Variants in DPP6 observed in about 807,000 individuals in gnomAD.
DPP6 encodes the protein dipeptidyl peptidase like 6, also known as A-type potassium channel modulatory protein DPP6.
DPP6 carries 69 observed loss-of-function variants against 122.6 expected under a neutral mutation model. That is an observed-to-expected ratio of 0.56 (90% CI 0.46 to 0.69). DPP6 has a LOEUF of 0.69. Among genes scored for constraint, DPP6 ranks in the 30% least tolerant of loss-of-function variants. The pLI, the probability that DPP6 is intolerant of heterozygous loss-of-function variation, is 0.00. For missense variants in DPP6, 928 were observed against 1,116.9 expected (o/e 0.83, Z 2.41); for synonymous variants, 418 against 433.1 (o/e 0.97, Z 0.43).
At chr7:154,080,679 A>G (rs1803928751) in intron 1 of DPP6, among the ~76,000 whole-genome samples, 1 of 152,124 alleles carries the variant, frequency 6.6e-6, no homozygotes, top group Admixed American at 6.5e-5. Flanking sequence ...CTTTCATGGA[A>G]CACAAGGTAA....
rs1015898390 is a variant in DPP6 at position 154,893,770 on chromosome 7, T to C, written c.*1290T>C. The C allele has an allele frequency of 1.3e-5, 2 of 152,244 alleles. No individual in the cohort carries two copies. The highest frequency in any genetic ancestry group is 6.5e-5 in the Admixed American group (1 of 15,276). 9.4% of individuals were successfully genotyped at this position (152,244 alleles called of 1,614,324 possible). On this transcript the variant is annotated 3_prime_UTR_variant, in exon 26 of 26. Transcript: ENST00000377770. ...AGTCAACCCAGCCTCCTCCCGCCAGTGCTAACCCCGTGTTGAGCCTGCATG... is the reference window on the plus strand; with the variant it reads ...AGTCAACCCAGCCTCCTCCCGCCAGCGCTAACCCCGTGTTGAGCCTGCATG...
At chr7:153,759,971 A>ATC in the DPP6 span, among the ~76,000 whole-genome samples, 4,298 of 136,904 alleles carry the variant, frequency 0.031, 103 homozygotes, top group African/African-American at 0.095. Flanking sequence ...CTGTTTCTGT[A>ATC]TCTCTCTCTC....
At chr7:154,168,814 T>C (rs76169569) in intron 1 of DPP6, among the ~76,000 whole-genome samples, 6 of 152,242 alleles carry the variant, frequency 3.9e-5, no homozygotes, top group Admixed American at 1.3e-4. Context: ...CTAGGATGCA[T>C]GCTAAGAACT....
the DPP6 span, among the ~76,000 whole-genome samples, chr7:153,842,101 C>T: frequency 6.6e-6 from 1 of 152,122 alleles, no homozygotes; most frequent in Non-Finnish European, 1.5e-5. Context: ...ATAAACATGT[C>T]GTTCCTATAA....
At chr7:154,752,124 G>C (rs1843426357) in intron 8 of DPP6, among the ~76,000 whole-genome samples, 1 of 152,200 alleles carries the variant, frequency 6.6e-6, no homozygotes, top group Non-Finnish European at 1.5e-5. Flanking sequence ...TCTATGTAAA[G>C]ACTGAACTAA....
intron 1 of DPP6, among the ~76,000 whole-genome samples, chr7:154,404,095 A>T (rs538688469): frequency 6.6e-6 from 1 of 152,316 alleles, no homozygotes; most frequent in African/African-American, 2.4e-5. Flanking sequence ...TATTGCAGAG[A>T]GGAAGCTGAG....
At chr7:153,787,837 C>CCT in the DPP6 span, among the ~76,000 whole-genome samples, 1 of 139,382 alleles carries the variant, frequency 7.2e-6, no homozygotes, top group Non-Finnish European at 1.5e-5. Context: ...TTTACAATTT[C>CCT]TTTTTTTTTT....
chr7:154,712,315 C>G (rs897715188), intron 7 of DPP6, among the ~76,000 whole-genome samples: 2 of 152,130 alleles, frequency 1.3e-5, no homozygotes, highest in African/African-American at 4.8e-5. Flanking sequence ...ATATTGTATA[C>G]CTCATTCTAT....
At chr7:154,607,561 C>CAAAAAA (rs1162220684) in intron 5 of DPP6, among the ~76,000 whole-genome samples, 3 of 22,378 alleles carry the variant, frequency 1.3e-4, no homozygotes, top group African/African-American at 2.9e-4. Context: ...GACTCTGTCT[C>CAAAAAA]AAAAAAAAAA....
chr7:154,777,587 T>C (rs1288999450), intron 10 of DPP6, among the ~76,000 whole-genome samples: 1 of 152,198 alleles, frequency 6.6e-6, no homozygotes, highest in Non-Finnish European at 1.5e-5. Context: ...TTCTGCTGGT[T>C]TCCTCCGGCC....
intron 1 of DPP6, among the ~76,000 whole-genome samples, chr7:154,028,197 C>T (rs1173005277): frequency 6.6e-6 from 1 of 152,056 alleles, no homozygotes; most frequent in Non-Finnish European, 1.5e-5. Flanking sequence ...TGTTGTTAAA[C>T]TCATCCTCTC....
chr7:154,470,349 C>T (rs1822154190), intron 2 of DPP6, among the ~76,000 whole-genome samples: 1 of 152,130 alleles, frequency 6.6e-6, no homozygotes, highest in African/African-American at 2.4e-5. Flanking sequence ...CTATAAAGCA[C>T]TTTAGAGTTG....
At chr7:154,789,813 C>T (rs1222018139) in intron 10 of DPP6, among the ~76,000 whole-genome samples, 1 of 152,220 alleles carries the variant, frequency 6.6e-6, no homozygotes, top group Non-Finnish European at 1.5e-5. Flanking sequence ...CCTACCTTGT[C>T]CCCAGAAAGC....
At chr7:154,728,509 A>G (rs1245953876) in intron 8 of DPP6, among the ~76,000 whole-genome samples, 1 of 152,140 alleles carries the variant, frequency 6.6e-6, no homozygotes, top group Non-Finnish European at 1.5e-5. Flanking sequence ...CATGCTCATG[A>G]CCCTTCATCG....
Position 154,456,700 on chromosome 7 carries a change from C to T in DPP6, c.358+10372C>T, listed in dbSNP as rs905531816. On this transcript the variant is annotated intron_variant, in intron 2 of 25. Coordinates refer to ENST00000377770, the MANE Select transcript of DPP6 (RefSeq NM_130797.4). ...GATTACCCTTAGTTATCCAATGGAACCTCAATGTGATCACATGTGTTCTTA... is the reference window on the plus strand; with the variant it reads ...GATTACCCTTAGTTATCCAATGGAATCTCAATGTGATCACATGTGTTCTTA... Among the ~76,000 whole-genome samples, 51 of 152,250 alleles carry T rather than the reference C, an allele frequency of 3.3e-4. 1 individual carries two copies. Among genetic ancestry groups the T allele is most frequent in the African/African-American group, 1.2e-3 (49 of 41,526 alleles).
intron 3 of DPP6, among the ~76,000 whole-genome samples, chr7:154,509,547 C>A (rs1185609343): frequency 6.6e-6 from 1 of 152,114 alleles, no homozygotes; most frequent in Non-Finnish European, 1.5e-5. Flanking sequence ...ATGGTGTAAC[C>A]ACTTTGGAAA....
intron 7 of DPP6, among the ~76,000 whole-genome samples, chr7:154,707,573 C>A (rs138055832): frequency 6.6e-6 from 1 of 152,120 alleles, no homozygotes; most frequent in Non-Finnish European, 1.5e-5. Flanking sequence ...GGACATGCCC[C>A]GAGGGTGTTT....
At chr7:154,504,452 G>A (rs1825512515) in intron 3 of DPP6, among the ~76,000 whole-genome samples, 1 of 152,124 alleles carries the variant, frequency 6.6e-6, no homozygotes, top group Admixed American at 6.6e-5. Context: ...ATGATCATTT[G>A]AGCAAGAGCA....
chr7:153,834,590 G>T, the DPP6 span, among the ~76,000 whole-genome samples: 4 of 152,116 alleles, frequency 2.6e-5, no homozygotes, highest in Non-Finnish European at 4.4e-5. Flanking sequence ...TCACCTTTTG[G>T]TTTACATAGA....
Sources: allele counts gnomAD v4.1 joint callset (sites outside exome capture counted in the v4.1 genomes callset), GRCh38; gene constraint gnomAD v4.1.1; transcripts MANE v1.5; gene names NCBI Gene and HGNC (gene_info 2026-07-23, HGNC 2026-07-21).